The following DOCK4 variants were observed in gnomAD, a reference collection of about 807,000 sequenced individuals.
DOCK4 encodes dedicator of cytokinesis 4, also known as dedicator of cytokinesis protein 4.
DOCK4 carries 97 observed loss-of-function variants against 268.1 expected under a neutral mutation model. That is an observed-to-expected ratio of 0.36 (90% confidence interval 0.31 to 0.43). DOCK4 has a LOEUF of 0.43. DOCK4 is among the 20% of genes least tolerant of loss of function. The pLI is 1.00. For missense variants in DOCK4, 2,145 were observed against 2,455.7 expected, an observed-to-expected ratio of 0.87 and a Z score of 2.67; for synonymous variants, 954 against 887.2, an observed-to-expected ratio of 1.08 and a Z score of -1.34.
At chr7:111,935,404 T>C (rs768736686) in intron 12 of DOCK4, 136 bp downstream of exon 12, 2 of 748,668 alleles carry the variant, frequency 2.7e-6, no homozygotes, top group Admixed American at 2.0e-5. Context: ...ACCAGAATGT[T>C]CATTGAGCAT....
At chr7:111,780,615 T>A (rs1798730895) in intron 35 of DOCK4, among the ~76,000 whole-genome samples, 1 of 152,228 alleles carries the variant, frequency 6.6e-6, no homozygotes, top group South Asian at 2.1e-4. Context: ...AAAACAATAA[T>A]TACATTTCCT....
At chr7:111,741,252 T>C (rs1274170585) in intron 46 of DOCK4, 38 bp from the exon 47 acceptor site, 1 of 1,610,612 alleles carries the variant, frequency 6.2e-7, no homozygotes. Flanking sequence ...TAACTCAGTC[T>C]CCAAATTGTA....
chr7:111,946,463 C>T (rs1395501358), intron 8 of DOCK4, among the ~76,000 whole-genome samples: 1 of 152,090 alleles, frequency 6.6e-6, no homozygotes, highest in Non-Finnish European at 1.5e-5. Flanking sequence ...ACATAGAAAC[C>T]TCTCACCTAT....
At chr7:112,133,559 C>T (rs1010726915) in intron 1 of DOCK4, among the ~76,000 whole-genome samples, 7 of 152,032 alleles carry the variant, frequency 4.6e-5, no homozygotes, top group Middle Eastern at 3.4e-3. Context: ...TGGTGACACC[C>T]GTCTCTCCTA....
intron 35 of DOCK4, among the ~76,000 whole-genome samples, chr7:111,780,983 G>A (rs1487891535): frequency 1.3e-5 from 2 of 152,180 alleles, no homozygotes; most frequent in Non-Finnish European, 2.9e-5. Flanking sequence ...TTAGTAATGG[G>A]GCTACTGATT....
At chr7:111,873,311 CAG>C (rs549151295) in intron 17 of DOCK4, among the ~76,000 whole-genome samples, 2 of 152,160 alleles carry the variant, frequency 1.3e-5, no homozygotes, top group Non-Finnish European at 2.9e-5. Flanking sequence ...CTTTCTTGGG[CAG>C]AAGTTACAAA....
chr7:111,908,352 G>C (rs1791780506), intron 13 of DOCK4, among the ~76,000 whole-genome samples: 1 of 151,998 alleles, frequency 6.6e-6, no homozygotes, highest in South Asian at 2.1e-4. Flanking sequence ...GGAAGCTGAG[G>C]CAGGAGGATG....
In DOCK4 at chr7:112,004,101, T is replaced by A. The variant is rs200167542; in HGVS notation, c.68A>T (p.Tyr23Phe). 6.2e-7 allele frequency: 1 copy of A among 1,600,056 alleles called. No homozygotes were observed. The highest frequency in any genetic ancestry group is 1.7e-5 in the Admixed American group (1 of 58,314). ...ATCTCCAATTTCCAATGACAGGCCATATGGAACGGTTCCTCGGAAACTGGC... is the reference window on the plus strand; with the variant it reads ...ATCTCCAATTTCCAATGACAGGCCAAATGGAACGGTTCCTCGGAAACTGGC... Reference protein sequence around the residue: ...VIASFRGTVPYGLSLEIGDTV... With the variant: ...VIASFRGTVPFGLSLEIGDTV... Residue 23 changes from tyrosine to phenylalanine, a missense_variant, in exon 2 of 53, where the codon TAT becomes TTT. Physicochemically the swap from Tyr to Phe is conservative, Grantham distance 22 (BLOSUM62 3). Coordinates refer to ENST00000428084, the MANE Select transcript of DOCK4 (RefSeq NM_001363540.2).
intron 52 of DOCK4, among the ~76,000 whole-genome samples, chr7:111,731,196 G>A (rs978879405): frequency 1.1e-4 from 17 of 152,262 alleles, no homozygotes; most frequent in Admixed American, 7.2e-4. Context: ...GAATTTCTAC[G>A]TCAGAAATTC....
chr7:111,732,505 A>G, intron 51 of DOCK4: 1 of 586,824 alleles, frequency 1.7e-6, no homozygotes, highest in Non-Finnish European at 3.0e-6. Flanking sequence ...CATCAGTGAA[A>G]AGTTATCATG....
intron 23 of DOCK4, among the ~76,000 whole-genome samples, chr7:111,850,523 A>G (rs961656348): frequency 4.6e-5 from 7 of 151,804 alleles, no homozygotes; most frequent in African/African-American, 1.7e-4. Context: ...AACCCATCAT[A>G]CCCCCTGTGA....
chr7:111,879,249 GA>G (rs1701621077), intron 16 of DOCK4, among the ~76,000 whole-genome samples: 2 of 152,110 alleles, frequency 1.3e-5, no homozygotes, highest in Non-Finnish European at 2.9e-5. Context: ...TCCTTGAAGG[GA>G]AGGACTCAAT....
At chr7:111,907,169 C>T (rs1791651123) in intron 13 of DOCK4, among the ~76,000 whole-genome samples, 1 of 152,152 alleles carries the variant, frequency 6.6e-6, no homozygotes, top group Non-Finnish European at 1.5e-5. Flanking sequence ...ACACAAGATA[C>T]ACTTGAGTAA....
intron 1 of DOCK4, among the ~76,000 whole-genome samples, chr7:112,077,885 G>C (rs1221992791): frequency 6.6e-6 from 1 of 152,030 alleles, no homozygotes; most frequent in Admixed American, 6.6e-5. Flanking sequence ...TAAATTTAAT[G>C]TATAAAAGGT....
At chr7:112,142,326 A>T (rs747053118) in intron 1 of DOCK4, among the ~76,000 whole-genome samples, 1 of 152,064 alleles carries the variant, frequency 6.6e-6, no homozygotes, top group Non-Finnish European at 1.5e-5. Context: ...CTGAATTTTC[A>T]CTATTGTATG....
chr7:111,816,175 T>C (rs1315200737), intron 27 of DOCK4, among the ~76,000 whole-genome samples: 2 of 152,128 alleles, frequency 1.3e-5, no homozygotes, highest in South Asian at 2.1e-4. Flanking sequence ...CTCCCATAAT[T>C]TTTTTTAATT....
intron 1 of DOCK4, among the ~76,000 whole-genome samples, chr7:112,183,710 G>GT (rs762712138): frequency 1.3e-5 from 2 of 152,202 alleles, no homozygotes; most frequent in Non-Finnish European, 2.9e-5. Context: ...GGGTTGGGTA[G>GT]TTCAATCAGA....
intron 1 of DOCK4, among the ~76,000 whole-genome samples, chr7:112,047,415 A>G (rs946206892): frequency 1.3e-5 from 2 of 152,214 alleles, no homozygotes; most frequent in Non-Finnish European, 2.9e-5. Context: ...ATGACTCAGA[A>G]CTAATACAGA....
chr7:112,104,014 C>T (rs1810919861), intron 1 of DOCK4, among the ~76,000 whole-genome samples: 1 of 152,202 alleles, frequency 6.6e-6, no homozygotes, highest in African/African-American at 2.4e-5. Context: ...ACAGGGCTAA[C>T]TTCTGGGGGA....
Sources: gnomAD v4.1 joint callset for allele counts (sites outside exome capture counted in the v4.1 genomes callset) on GRCh38, gnomAD v4.1.1 for gene constraint, MANE v1.5 for transcripts, NCBI Gene and HGNC (gene_info 2026-07-23, HGNC 2026-07-21) for gene names.